GALNT14: variants seen among roughly 807,000 people sequenced by gnomAD.
GALNT14 encodes UDP-GalNAc:polypeptide N-acetylgalactosaminyltransferase 14.
In GALNT14, 60 loss-of-function variants were observed where a neutral mutation model predicts 77.5. The ratio of observed to expected loss-of-function variants is 0.77; its 90% CI spans 0.63 to 0.96. The LOEUF (loss-of-function observed/expected upper bound fraction) is 0.96. Ranked by LOEUF, GALNT14 falls within the 40% of genes least tolerant of loss-of-function variation. GALNT14 has a pLI of 0.00. For synonymous variants in GALNT14, 280 were observed against 281.7 expected, an observed-to-expected ratio of 0.99 and a Z score of 0.06; for missense variants, 710 against 731.0, an observed-to-expected ratio of 0.97 and a Z score of 0.33.
intron 1 of GALNT14, among the ~76,000 whole-genome samples, chr2:31,025,353 T>C (rs1249170672): frequency 6.6e-6 from 1 of 152,138 alleles, no homozygotes; most frequent in Non-Finnish European, 1.5e-5. Context: ...CTGGATCTCA[T>C]GACCTGCAAG....
rs1372706196 is a variant in GALNT14, at chr2:31,031,165, T to C, written c.130-38158A>G. ...GTTCTTTCTCAAAATGGTAGACTTA[T>C]CAAGTCCTATTTGGATGCCATGTGA... On this transcript the variant is annotated intron_variant, in intron 1 of 14. Transcript: ENST00000349752. 7.2e-5 allele frequency among the ~76,000 whole-genome samples: 11 copies of C among 152,178 alleles called. 1 individual carries two copies. Among genetic ancestry groups the C allele is most frequent in the South Asian group, 2.1e-4 (1 of 4,830 alleles).
Position 31,123,594 on chromosome 2 carries a change from A to G in GALNT14, c.129+14364T>C, listed in dbSNP as rs572472705. On this transcript the variant is annotated intron_variant, in intron 1 of 14. Transcript: ENST00000349752. ...AAAAAATCACTAAAATGACTTTAAA[A>G]GACCTCCCTAAATCCTTCTTCTTCT... Among the ~76,000 whole-genome samples the G allele has an allele frequency of 2.6e-5, 4 of 152,198 alleles. No homozygotes were observed. The South Asian group carries it at 8.3e-4, about 32-fold the overall frequency.
intron 1 of GALNT14, among the ~76,000 whole-genome samples, chr2:31,074,158 AAGGGAGACGGTGCC>A (rs372183622): frequency 2.0e-5 from 3 of 152,150 alleles, no homozygotes; most frequent in Non-Finnish European, 2.9e-5. Flanking sequence ...ACACAGACTG[AAGGGAGACGGTGCC>A]AGGGAGACGG....
At chr2:30,949,993 A>G (rs1573019116) in intron 6 of GALNT14, among the ~76,000 whole-genome samples, 1 of 152,216 alleles carries the variant, frequency 6.6e-6, no homozygotes, top group East Asian at 1.9e-4. Flanking sequence ...TGATTCTGCC[A>G]TCTAGAATAT....
intron 1 of GALNT14, among the ~76,000 whole-genome samples, chr2:31,069,215 C>T (rs1675189183): frequency 6.6e-6 from 1 of 152,128 alleles, no homozygotes; most frequent in Non-Finnish European, 1.5e-5. Context: ...CTTTATCTTT[C>T]TTCTATAGAG....
chr2:31,129,269 ACACT>A (rs1410158228), intron 1 of GALNT14: 2 of 578,014 alleles, frequency 3.5e-6, no homozygotes, highest in Non-Finnish European at 4.4e-6. Flanking sequence ...AATAATAATA[ACACT>A]CACCTCACAA....
rs1243644465 is a variant in GALNT14, at chr2:30,924,099, T to G, written c.1380+20A>C. 1.2e-6 allele frequency: 2 copies of G among 1,614,170 alleles called. No individual in the cohort carries two copies. Among genetic ancestry groups the G allele is most frequent in the South Asian group, 1.1e-5 (1 of 91,084 alleles). ...CTCTACTGTGACACATGGTCCTGTA[T>G]GCCCAGCCAGTTACTTTACCTGGGA... On this transcript the variant is annotated intron_variant, in intron 13 of 14. Transcript: ENST00000349752.
At chr2:30,954,996 G>A (rs960012353) in intron 6 of GALNT14, among the ~76,000 whole-genome samples, 1 of 152,216 alleles carries the variant, frequency 6.6e-6, no homozygotes, top group Admixed American at 6.5e-5. Flanking sequence ...TAGATCAGTA[G>A]GGAAGTGGAT....
At chr2:31,035,605 ACACACACACACC>A (rs1165506592) in intron 1 of GALNT14, among the ~76,000 whole-genome samples, 5 of 44,228 alleles carry the variant, frequency 1.1e-4, no homozygotes, top group African/African-American at 3.4e-4. Context: ...ACATATACAC[ACACACACACACC>A]TACACACACA....
chr2:31,082,635 G>C (rs935025223), intron 1 of GALNT14, among the ~76,000 whole-genome samples: 4 of 152,182 alleles, frequency 2.6e-5, no homozygotes, highest in Non-Finnish European at 4.4e-5. Flanking sequence ...GTAAAAAATT[G>C]TAAGTGTGTG....
At chr2:31,072,094 G>A (rs1675414443) in intron 1 of GALNT14, among the ~76,000 whole-genome samples, 1 of 152,062 alleles carries the variant, frequency 6.6e-6, no homozygotes, top group Admixed American at 6.6e-5. Context: ...AGAACATGGA[G>A]AACCCAGAGC....
At chr2:31,033,313 G>A (rs760484520) in intron 1 of GALNT14, among the ~76,000 whole-genome samples, 3 of 152,072 alleles carry the variant, frequency 2.0e-5, no homozygotes, top group Non-Finnish European at 4.4e-5. Flanking sequence ...TCTTCCTAGT[G>A]GCTTTCCTCA....
chr2:30,950,499 C>G (rs1666964617), intron 6 of GALNT14, among the ~76,000 whole-genome samples: 1 of 152,220 alleles, frequency 6.6e-6, no homozygotes, highest in Non-Finnish European at 1.5e-5. Context: ...CAAATCATGT[C>G]CTACTCTGAG....
intron 1 of GALNT14, among the ~76,000 whole-genome samples, chr2:31,116,881 A>C (rs959016415): frequency 6.6e-6 from 1 of 152,112 alleles, no homozygotes; most frequent in Non-Finnish European, 1.5e-5. Context: ...TCTACTAAAA[A>C]TACAAAATTA....
At position 31,035,622 on chromosome 2, in the gene GALNT14, C is replaced by CAT. The variant is rs1558512413; in HGVS notation, c.130-42616_130-42615insAT. On this transcript the variant is annotated intron_variant, in intron 1 of 14. Coordinates refer to ENST00000349752, the MANE Select transcript of GALNT14 (RefSeq NM_024572.4). ...ATATACACACACACACACACCTACA[C>CAT]ACACACACACACACACACACACACA... is the stretch of plus-strand genomic sequence containing the variant. Among the ~76,000 whole-genome samples, 114 of 121,110 alleles carry CAT rather than the reference C, an allele frequency of 9.4e-4. 2 individuals are homozygous for CAT. Among genetic ancestry groups the CAT allele is most frequent in the Middle Eastern group, 4.4e-3 (1 of 226 alleles). 79.5% of individuals were successfully genotyped at this position (121,110 alleles called of 152,430 possible). A position where few individuals can be genotyped will look rare whatever the true frequency, so the allele number is the denominator to read the frequency against.
intron 1 of GALNT14, 115 bp downstream of exon 1, chr2:31,137,843 C>A: frequency 7.3e-7 from 1 of 1,364,262 alleles, no homozygotes; most frequent in Non-Finnish European, 9.9e-7. Context: ...CTGTTACCTG[C>A]TCGCAGCACC....
At chr2:31,093,830 G>A (rs1199165323) in intron 1 of GALNT14, among the ~76,000 whole-genome samples, 1 of 152,226 alleles carries the variant, frequency 6.6e-6, no homozygotes, top group Non-Finnish European at 1.5e-5. Flanking sequence ...TGTGAGCATG[G>A]AACAGTGGAG....
At chr2:30,981,061 T>C (rs1251192507) in intron 2 of GALNT14, among the ~76,000 whole-genome samples, 1 of 152,204 alleles carries the variant, frequency 6.6e-6, no homozygotes, top group Non-Finnish European at 1.5e-5. Context: ...ATACAAGGCA[T>C]GAAGAGTCTT....
chr2:31,094,449 A>G (rs909429977), intron 1 of GALNT14, among the ~76,000 whole-genome samples: 7 of 152,348 alleles, frequency 4.6e-5, no homozygotes, highest in African/African-American at 1.7e-4. Flanking sequence ...TTGGACATGC[A>G]TGACAGACCC....
Sources: gnomAD v4.1 joint callset for allele counts (sites outside exome capture counted in the v4.1 genomes callset) on GRCh38, gnomAD v4.1.1 for gene constraint, MANE v1.5 for transcripts, NCBI Gene and HGNC (gene_info 2026-07-23, HGNC 2026-07-21) for gene names.